Variants in PPEF1 observed in about 807,000 individuals in gnomAD.
PPEF1 encodes the protein serine/threonine-protein phosphatase with EF-hands 1.
In PPEF1, 12 loss-of-function variants were observed where a neutral mutation model predicts 53.3. The observed-to-expected ratio is 0.23, with a 90% CI of 0.14 to 0.36. The LOEUF is 0.36. Among genes scored for constraint, PPEF1 ranks in the 10% least tolerant of loss-of-function variants. PPEF1 has a pLI of 1.00. For synonymous variants in PPEF1, 165 were observed against 176.7 expected (o/e 0.93, Z 0.52); for missense variants, 334 against 490.4 (o/e 0.68, Z 3.01).
intron 6 of PPEF1, among the ~76,000 whole-genome samples, chrX:18,772,903 C>T (rs1457444284): frequency 1.8e-5 from 2 of 112,994 alleles, no homozygotes; most frequent in South Asian, 7.2e-4. Context: ...ATGGGCTTCT[C>T]CACAAGGCTG....
chrX:18,733,140 A>G (rs2147378930), intron 2 of PPEF1, among the ~76,000 whole-genome samples: 1 of 111,708 alleles, frequency 9.0e-6, no homozygotes, highest in African/African-American at 3.2e-5. Context: ...GGGGAGGCGG[A>G]GGTTACAGTG....
chrX:18,740,207 G>A (rs745435322), intron 3 of PPEF1, among the ~76,000 whole-genome samples: 57 of 112,322 alleles, frequency 5.1e-4, no homozygotes, highest in Non-Finnish European at 7.5e-4. Context: ...TGTCTTCTGC[G>A]TCGCTGACGC....
At chrX:18,729,600 T>A (rs776159292) in intron 1 of PPEF1, among the ~76,000 whole-genome samples, 2 of 112,165 alleles carry the variant, frequency 1.8e-5, no homozygotes, top group East Asian at 5.6e-4. Context: ...GTTGTGCTAC[T>A]CCGTGGTGTG....
chrX:18,694,460 A>G (rs1170687792), intron 4 of PPEF1, among the ~76,000 whole-genome samples: 1 of 111,883 alleles, frequency 8.9e-6, no homozygotes, highest in Non-Finnish European at 1.9e-5. Flanking sequence ...TATTAAAAAA[A>G]AAAATTTTAG....
intron 5 of PPEF1, chrX:18,699,985 G>A (rs781338808): frequency 2.3e-4 from 26 of 111,965 alleles, no homozygotes; most frequent in African/African-American, 8.1e-4. Flanking sequence ...CTGCCCATGC[G>A]GAGCCTGGTC....
intron 6 of PPEF1, among the ~76,000 whole-genome samples, chrX:18,774,409 A>G (rs898760418): frequency 1.8e-5 from 2 of 111,910 alleles, no homozygotes; most frequent in Admixed American, 1.9e-4. Flanking sequence ...AAATGTTAGT[A>G]TGGTTATTTA....
intron 13 of PPEF1, among the ~76,000 whole-genome samples, chrX:18,821,808 CAAAT>C: frequency 1.3e-5 from 1 of 74,953 alleles, no homozygotes; most frequent in East Asian, 3.9e-4. Flanking sequence ...AGAGAGAAAA[CAAAT>C]AACCAGTGCA....
chrX:18,680,204 TTGCTGCTGC>T (rs757808484), upstream of PPEF1, among the ~76,000 whole-genome samples: 591 of 109,966 alleles, frequency 5.4e-3, 5 homozygotes, highest in African/African-American at 0.017. Context: ...CTCGGGGCCT[TTGCTGCTGC>T]TGCTGCTGCT....
chrX:18,728,386 G>A (rs910162574), intron 1 of PPEF1, among the ~76,000 whole-genome samples: 9 of 110,551 alleles, frequency 8.1e-5, no homozygotes, highest in South Asian at 4.0e-4. Flanking sequence ...AAGAATGAGC[G>A]CCAAGTGAAA....
At chrX:18,693,319 C>T (rs1390451704) in intron 4 of PPEF1, among the ~76,000 whole-genome samples, 2 of 111,830 alleles carry the variant, frequency 1.8e-5, no homozygotes, top group African/African-American at 6.5e-5. Context: ...TGGCACCAAC[C>T]TACCTCCCCC....
intron 4 of PPEF1, among the ~76,000 whole-genome samples, chrX:18,697,125 A>G (rs965386808): frequency 2.7e-5 from 3 of 111,999 alleles, no homozygotes; most frequent in African/African-American, 9.7e-5. Context: ...CTGTCTTTCC[A>G]TAGTTTGCTA....
rs1401204177 is a variant in PPEF1, at chrX:18,792,448, T to G, written c.1065+3175T>G. Among the ~76,000 whole-genome samples, 3 of 112,108 alleles carry G rather than the reference T, an allele frequency of 2.7e-5. No individual in the cohort carries two copies. In the East Asian group the frequency reaches 8.4e-4, roughly 31 times the overall value. ...ATTTGTTTCATTTCCTGAAACAAAT[T>G]TATTTCATGAAATTCATTTCATCTA... On this transcript the variant is annotated intron_variant, in intron 10 of 15. Coordinates refer to ENST00000470157, the MANE Select transcript of PPEF1 (RefSeq NM_001377996.1).
chrX:18,793,933 C>T (rs1020826852), intron 10 of PPEF1, among the ~76,000 whole-genome samples: 1 of 111,702 alleles, frequency 9.0e-6, no homozygotes, highest in African/African-American at 3.3e-5. Context: ...CAGTTTCTCC[C>T]ACCACCAGGG....
At chrX:18,731,038 C>T in intron 2 of PPEF1, among the ~76,000 whole-genome samples, 1 of 112,543 alleles carries the variant, frequency 8.9e-6, no homozygotes, top group Non-Finnish European at 1.9e-5. Context: ...TTAAAGAATA[C>T]ATAAATCTAG....
chrX:18,725,342 A>C (rs1382847593), intron 1 of PPEF1, among the ~76,000 whole-genome samples: 1 of 111,991 alleles, frequency 8.9e-6, no homozygotes, highest in Non-Finnish European at 1.9e-5. Flanking sequence ...GGAGGGTCCC[A>C]CAGAACTGAA....
intron 8 of PPEF1, among the ~76,000 whole-genome samples, chrX:18,782,677 T>C (rs1167453395): frequency 9.0e-6 from 1 of 111,691 alleles, no homozygotes. Flanking sequence ...ACCAAGGATT[T>C]GTTTTACTTA....
intron 7 of PPEF1, among the ~76,000 whole-genome samples, chrX:18,779,783 T>C (rs2046047513): frequency 8.9e-6 from 1 of 112,106 alleles, no homozygotes; most frequent in African/African-American, 3.2e-5. Flanking sequence ...CTTTTTTTCT[T>C]CTTCTTTTAA....
chrX:18,719,433 A>G (rs1486122193), intron 1 of PPEF1, among the ~76,000 whole-genome samples: 1 of 108,243 alleles, frequency 9.2e-6, no homozygotes, highest in African/African-American at 3.4e-5. Flanking sequence ...TGCAGCCTCA[A>G]CCTCCTGGGC....
At chrX:18,824,145 T>C (rs1351562933) in intron 14 of PPEF1, 59 bp downstream of exon 14, 2 of 1,089,606 alleles carry the variant, frequency 1.8e-6, no homozygotes, top group African/African-American at 3.7e-5. Flanking sequence ...CTTAGTCCTT[T>C]GAAAAGCTGG....
Sources: allele counts gnomAD v4.1 joint callset (sites outside exome capture counted in the v4.1 genomes callset), GRCh38; gene constraint gnomAD v4.1.1; transcripts MANE v1.5; gene names NCBI Gene and HGNC (gene_info 2026-07-23, HGNC 2026-07-21).